Variants in MALRD1 observed in about 807,000 individuals in gnomAD.
MALRD1 encodes MAM and LDL-receptor class A domain-containing protein 1.
A neutral mutation model predicts 242.1 loss-of-function variants in MALRD1; 247 were observed. That is an observed-to-expected ratio of 1.02 (90% CI 0.92 to 1.13). The LOEUF (loss-of-function observed/expected upper bound fraction) is 1.13, where lower values mean the gene tolerates loss of function less well. Among genes scored for constraint, MALRD1 ranks in the 50% most tolerant of loss-of-function variants. The pLI is 0.00. For synonymous variants in MALRD1, 995 were observed against 866.6 expected (o/e 1.15, Z -2.60); for missense variants, 2,989 against 2,533.1 (o/e 1.18, Z -3.86).
intron 28 of MALRD1, among the ~76,000 whole-genome samples, chr10:19,438,649 C>A (rs1383314946): frequency 6.6e-6 from 1 of 152,146 alleles, no homozygotes; most frequent in African/African-American, 2.4e-5. Context: ...TTCTTTGCCT[C>A]TTCACCAACA....
At chr10:19,277,541 G>A (rs1306590544) in intron 19 of MALRD1, among the ~76,000 whole-genome samples, 3 of 151,980 alleles carry the variant, frequency 2.0e-5, no homozygotes, top group Non-Finnish European at 2.9e-5. Flanking sequence ...TCTTTTTAAT[G>A]TTTACTAGCT....
intron 18 of MALRD1, among the ~76,000 whole-genome samples, chr10:19,228,377 G>A (rs1837889778): frequency 6.6e-6 from 1 of 152,178 alleles, no homozygotes; most frequent in South Asian, 2.1e-4. Context: ...GTGGTTGCCT[G>A]TGTTCAGGAA....
chr10:19,373,203 C>CAAAAAAAAAAAAAAA (rs374095193), intron 26 of MALRD1, among the ~76,000 whole-genome samples: 1,892 of 114,284 alleles, frequency 0.017, 42 homozygotes, highest in South Asian at 0.027. Context: ...ACGCTAAATA[C>CAAAAAAAAAAAAAAA]AAAAAAAAAA....
intron 26 of MALRD1, among the ~76,000 whole-genome samples, chr10:19,383,492 A>G (rs1845924603): frequency 6.6e-6 from 1 of 151,968 alleles, no homozygotes; most frequent in South Asian, 2.1e-4. Context: ...GCTATTCTGG[A>G]TAGTGCTGTG....
intron 30 of MALRD1, among the ~76,000 whole-genome samples, chr10:19,494,631 G>C (rs571083269): frequency 2.0e-5 from 3 of 152,126 alleles, no homozygotes; most frequent in Non-Finnish European, 4.4e-5. Flanking sequence ...ATTTTACAAT[G>C]TAATAGCAAG....
chr10:19,534,598 A>G (rs1834569319), intron 32 of MALRD1, among the ~76,000 whole-genome samples: 1 of 152,144 alleles, frequency 6.6e-6, no homozygotes, highest in African/African-American at 2.4e-5. Flanking sequence ...TTTTCTAAGT[A>G]AAAAACAAGT....
intron 27 of MALRD1, among the ~76,000 whole-genome samples, chr10:19,388,142 A>G (rs1253357600): frequency 1.3e-5 from 2 of 152,032 alleles, no homozygotes; most frequent in South Asian, 2.1e-4. Context: ...TCTTCACATC[A>G]TCTTCTCTGT....
intron 14 of MALRD1, among the ~76,000 whole-genome samples, chr10:19,195,971 A>G (rs2131595641): frequency 6.6e-6 from 1 of 152,198 alleles, no homozygotes; most frequent in Non-Finnish European, 1.5e-5. Context: ...TGATGATCTG[A>G]CATACTATTT....
chr10:19,484,149 A>T (rs1257686569), intron 29 of MALRD1, among the ~76,000 whole-genome samples: 1 of 152,198 alleles, frequency 6.6e-6, no homozygotes, highest in African/African-American at 2.4e-5. Context: ...GAGGGCAAAG[A>T]TTGACATGCT....
In MALRD1 at chr10:19,065,477, T is replaced by A. The variant is rs1834950571; in HGVS notation, c.200-1242T>A. 3.3e-5 allele frequency among the ~76,000 whole-genome samples: 5 copies of A among 152,060 alleles called. No homozygotes were observed. In the South Asian group the frequency reaches 1.0e-3, roughly 32 times the overall value. ...AGCAGCTAGGAATTGTTTTTGTAGC[T>A]ATCTGCTGGTTTCTGCCGGCTTCTT... On this transcript the variant is annotated intron_variant, in intron 1 of 39. Coordinates refer to ENST00000454679, the MANE Select transcript of MALRD1 (RefSeq NM_001142308.3).
chr10:19,567,352 A>G, intron 32 of MALRD1, 150 bp from the exon 33 acceptor site: 1 of 734,446 alleles, frequency 1.4e-6, no homozygotes, highest in Non-Finnish European at 2.2e-6. Context: ...GGCTCACTTT[A>G]TAACCCACAA....
intron 11 of MALRD1, among the ~76,000 whole-genome samples, chr10:19,149,401 T>G (rs1198894927): frequency 6.6e-6 from 1 of 152,158 alleles, no homozygotes. Flanking sequence ...ATTTCCTTCC[T>G]GCCTTTTTTG....
chr10:19,294,066 G>A (rs1489911301), intron 21 of MALRD1, among the ~76,000 whole-genome samples: 1 of 152,076 alleles, frequency 6.6e-6, no homozygotes, highest in African/African-American at 2.4e-5. Flanking sequence ...TCATAAAAAG[G>A]TCTATAAAAT....
intron 26 of MALRD1, among the ~76,000 whole-genome samples, chr10:19,360,492 G>GTC (rs1292735309): frequency 2.0e-5 from 3 of 151,928 alleles, no homozygotes; most frequent in Non-Finnish European, 1.5e-5. Context: ...CAGCTAGATT[G>GTC]TCTACCCATC....
At chr10:19,576,934 G>C (rs1045616448) in intron 33 of MALRD1, among the ~76,000 whole-genome samples, 3 of 143,272 alleles carry the variant, frequency 2.1e-5, no homozygotes, top group African/African-American at 7.7e-5. Context: ...GTCATTTTTA[G>C]TTCCTCCTCA....
At chr10:19,257,307 A>G (rs1373924037) in intron 18 of MALRD1, among the ~76,000 whole-genome samples, 1 of 152,158 alleles carries the variant, frequency 6.6e-6, no homozygotes, top group East Asian at 1.9e-4. Flanking sequence ...CAGATGACCC[A>G]GGAGGATGAG....
chr10:19,143,194 T>C (rs2131431673), intron 10 of MALRD1, among the ~76,000 whole-genome samples: 1 of 152,364 alleles, frequency 6.6e-6, no homozygotes, highest in Non-Finnish European at 1.5e-5. Context: ...TGGTTTGAAC[T>C]TTTGTCCTAA....
At position 19,594,840 on chromosome 10, in the gene MALRD1, T is replaced by C. The variant is rs117798330; in HGVS notation, c.5681-354T>C. On this transcript the variant is annotated intron_variant, in intron 33 of 39. Coordinates refer to ENST00000454679, the MANE Select transcript of MALRD1 (RefSeq NM_001142308.3). ...GACTGTGGGGACTCAAGGGGAAAGA[T>C]TGGGCATGTGGTGAGAAATAAAAGA... is the stretch of plus-strand genomic sequence containing the variant. Among the ~76,000 whole-genome samples, 606 of 152,020 alleles carry C rather than the reference T, an allele frequency of 4.0e-3. 3 individuals are homozygous for C. The highest frequency in any genetic ancestry group is 7.1e-3 in the Non-Finnish European group (480 of 67,966).
chr10:19,562,743 T>A (rs762454868), intron 32 of MALRD1, among the ~76,000 whole-genome samples: 1 of 152,176 alleles, frequency 6.6e-6, no homozygotes, highest in Non-Finnish European at 1.5e-5. Flanking sequence ...CATTAACTTC[T>A]GAGCTCCACC....
Sources: allele counts gnomAD v4.1 joint callset (sites outside exome capture counted in the v4.1 genomes callset), GRCh38; gene constraint gnomAD v4.1.1; transcripts MANE v1.5; gene names NCBI Gene and HGNC (gene_info 2026-07-23, HGNC 2026-07-21).